TMEM50A: variants seen among roughly 807,000 people sequenced by gnomAD.
TMEM50A encodes the protein transmembrane protein 50A, also known as cervical cancer oncogene 9.
A neutral mutation model predicts 23.9 loss-of-function variants in TMEM50A; 8 were observed. The ratio of observed to expected loss-of-function variants is 0.33; its 90% CI spans 0.20 to 0.60. The LOEUF (loss-of-function observed/expected upper bound fraction) is 0.60, where lower values mean the gene tolerates loss of function less well. Ranked by LOEUF, TMEM50A falls within the 20% of genes least tolerant of loss-of-function variation. The pLI is 0.81. For synonymous variants in TMEM50A, 55 were observed against 60.4 expected, an observed-to-expected ratio of 0.91 and a Z score of 0.41; for missense variants, 178 against 192.7, an observed-to-expected ratio of 0.92 and a Z score of 0.45.
At chr1:25,339,585 C>G (rs1377673543) in intron 1 of TMEM50A, among the ~76,000 whole-genome samples, 1 of 152,150 alleles carries the variant, frequency 6.6e-6, no homozygotes, top group Admixed American at 6.5e-5. Flanking sequence ...AAGAAACACA[C>G]GTTCTGTGAT....
chr1:25,351,229 A>C (rs1246420774), intron 3 of TMEM50A, among the ~76,000 whole-genome samples: 2 of 151,876 alleles, frequency 1.3e-5, no homozygotes, highest in East Asian at 3.9e-4. Context: ...TTTACTCAAG[A>C]ACTGAAGGCT....
chr1:25,339,769 T>C (rs548614825), intron 1 of TMEM50A, among the ~76,000 whole-genome samples: 2 of 152,328 alleles, frequency 1.3e-5, no homozygotes, highest in African/African-American at 4.8e-5. Context: ...TTAGTAATCA[T>C]ATACTTGGTA....
At chr1:25,354,809 T>C (rs767515240) in intron 5 of TMEM50A, among the ~76,000 whole-genome samples, 29 of 152,232 alleles carry the variant, frequency 1.9e-4, no homozygotes, top group Non-Finnish European at 3.1e-4. Flanking sequence ...TGTATATTTG[T>C]TGCCCAGGCT....
intron 3 of TMEM50A, among the ~76,000 whole-genome samples, chr1:25,343,454 A>G (rs1033272524): frequency 1.3e-5 from 2 of 152,246 alleles, no homozygotes; most frequent in African/African-American, 2.4e-5. Flanking sequence ...GGAAAAATCC[A>G]TGTCTTTTTG....
At chr1:25,341,951 T>C (rs1645173369) in intron 2 of TMEM50A, among the ~76,000 whole-genome samples, 1 of 152,094 alleles carries the variant, frequency 6.6e-6, no homozygotes. Flanking sequence ...GCTCAAGTGA[T>C]TCACTGGCCT....
intron 4 of TMEM50A, among the ~76,000 whole-genome samples, 197 bp from the exon 5 acceptor site, chr1:25,352,685 T>C (rs2124254948): frequency 6.6e-6 from 1 of 152,116 alleles, no homozygotes; most frequent in South Asian, 2.1e-4. Context: ...TTTTTAAAAA[T>C]CTATACAGAC....
chr1:25,353,000 TA>T, intron 5 of TMEM50A, 26 bp downstream of exon 5: 1 of 1,585,512 alleles, frequency 6.3e-7, no homozygotes, highest in South Asian at 1.2e-5. Context: ...GGTTACAATT[TA>T]CTTCAGTGGA....
At chr1:25,354,121 G>C (rs1265557689) in intron 5 of TMEM50A, among the ~76,000 whole-genome samples, 1 of 152,046 alleles carries the variant, frequency 6.6e-6, no homozygotes, top group Admixed American at 6.6e-5. Context: ...CTCCTGAGTA[G>C]CTGAGATGAC....
In TMEM50A at chr1:25,347,305, G is replaced by A. The variant is rs754981115; in HGVS notation, c.206+4232G>A. On this transcript the variant is annotated intron_variant, in intron 3 of 6. Transcript: ENST00000374358. The stretch of plus-strand genomic sequence containing the variant: ...GGCTGGAGTGCAGTGGCATGATCTC[G>A]GTTCACTGCAACCTCTGCCTCCTGA... Among the ~76,000 whole-genome samples the A allele has an allele frequency of 3.6e-4, 55 of 151,490 alleles. 1 individual carries two copies. Among genetic ancestry groups the A allele is most frequent in the Non-Finnish European group, 5.7e-4 (39 of 67,934 alleles).
rs1382885427 is a variant in TMEM50A, at chr1:25,340,571, G to A, written c.85G>A (p.Gly29Ser). The A allele has an allele frequency of 3.7e-6, 6 of 1,612,724 alleles. No individual in the cohort carries two copies. The highest frequency in any genetic ancestry group is 5.1e-6 in the Non-Finnish European group (6 of 1,179,374). Residue 29 changes from glycine (G) to serine (S), a missense_variant, in exon 2 of 7, where the codon GGT (glycine) becomes AGT (serine). By Grantham distance (56) the Gly-to-Ser change is moderately conservative (BLOSUM62 0). Transcript: ENST00000374358. ...CAATACTATTGCTTCCATTGCTGCT[G>A]GTGTACTAGTAAGTGTCATTGATTA... ...KRNTIASIAAGVLFFTGWWII... is the reference protein window; with the variant it reads ...KRNTIASIAASVLFFTGWWII...
chr1:25,357,564 G>GT (rs1381241337), intron 6 of TMEM50A, among the ~76,000 whole-genome samples: 3 of 113,122 alleles, frequency 2.7e-5, no homozygotes, highest in Non-Finnish European at 3.8e-5. Context: ...TGTGTGTGTT[G>GT]TGTGTGTGTG....
chr1:25,356,972 T>G, intron 6 of TMEM50A, 119 bp downstream of exon 6: 2 of 681,206 alleles, frequency 2.9e-6, no homozygotes, highest in Non-Finnish European at 4.8e-6. Flanking sequence ...CATGATATTT[T>G]CATAAAACAT....
At chr1:25,340,879 T>C (rs1645160141) in intron 2 of TMEM50A, among the ~76,000 whole-genome samples, 1 of 152,184 alleles carries the variant, frequency 6.6e-6, no homozygotes, top group Admixed American at 6.5e-5. Context: ...AAGGAAGTGT[T>C]TAAGACGCAG....
Position 25,358,957 on chromosome 1 carries a change from G to T in TMEM50A, c.429-1703G>T, listed in dbSNP as rs3093655. On this transcript the variant is annotated intron_variant, in intron 6 of 6. Transcript: ENST00000374358. ...TTTTGTAGAGACGGGGTTTTGCCAT[G>T]TTGCCCAGGCTGGTCTCAAACTCCT... Among the ~76,000 whole-genome samples, 1,418 of 152,324 alleles carry T rather than the reference G, an allele frequency of 9.3e-3. 7 individuals carry two copies. The highest frequency in any genetic ancestry group is 0.013 in the Non-Finnish European group (918 of 68,038).
chr1:25,356,749 GT>G (rs1645336850), intron 5 of TMEM50A, 43 bp from the exon 6 acceptor site: 1 of 1,399,690 alleles, frequency 7.1e-7, no homozygotes, highest in Non-Finnish European at 9.8e-7. Context: ...GAAACTAAAT[GT>G]TTTGAGATCA....
At chr1:25,360,459 G>GT (rs1388369643) in intron 6 of TMEM50A, among the ~76,000 whole-genome samples, 9 of 152,278 alleles carry the variant, frequency 5.9e-5, no homozygotes, top group African/African-American at 1.9e-4. Context: ...TGGGAATATG[G>GT]TGGTTAATAG....
intron 3 of TMEM50A, among the ~76,000 whole-genome samples, chr1:25,347,599 T>C (rs1416728820): frequency 6.6e-6 from 1 of 152,316 alleles, no homozygotes; most frequent in East Asian, 1.9e-4. Context: ...GTAATCCAAG[T>C]TGAAAATTAC....
At chr1:25,340,756 A>G (rs1427747993) in intron 2 of TMEM50A, among the ~76,000 whole-genome samples, 177 bp downstream of exon 2, 1 of 152,236 alleles carries the variant, frequency 6.6e-6, no homozygotes, top group African/African-American at 2.4e-5. Flanking sequence ...TTTATGGTTT[A>G]AAATTTGATT....
In TMEM50A at chr1:25,361,715, A is replaced by C. The variant is rs1420932889; in HGVS notation, c.*1010A>C. 1 of 152,428 alleles carries C rather than the reference A, an allele frequency of 6.6e-6. No individual in the cohort carries two copies. Among genetic ancestry groups the C allele is most frequent in the African/African-American group, 2.4e-5 (1 of 41,440 alleles). The allele number at this position is 152,428 out of a possible 1,614,324, so 9.4% of individuals were successfully genotyped here. On this transcript the variant is annotated 3_prime_UTR_variant, in exon 7 of 7. Transcript: ENST00000374358. ...AAATGTGCTACAATTAGCCTTCGGA[A>C]TATTTGCTGGGTGATTTAAATGTGT...
Sources: gnomAD v4.1 joint callset for allele counts (sites outside exome capture counted in the v4.1 genomes callset) on GRCh38, gnomAD v4.1.1 for gene constraint, MANE v1.5 for transcripts, NCBI Gene and HGNC (gene_info 2026-07-23, HGNC 2026-07-21) for gene names.